Variants in STX8 observed in about 807,000 individuals in gnomAD.
The protein encoded by STX8 is syntaxin 8.
STX8 carries 23 observed loss-of-function variants against 37.5 expected under a neutral mutation model. That is an observed-to-expected ratio of 0.61 (90% CI 0.44 to 0.87). STX8 has a LOEUF of 0.87. Ranked by LOEUF, STX8 falls within the 40% of genes least tolerant of loss-of-function variation. The probability of loss-of-function intolerance (pLI) is 0.00; values close to 1 mark genes in which losing one functional copy is unlikely to be tolerated. For missense variants in STX8, 313 were observed against 284.7 expected (o/e 1.10, Z -0.71); for synonymous variants, 115 against 99.1 (o/e 1.16, Z -0.95).
intron 3 of STX8, chr17:9,553,081 A>G (rs563728777): frequency 1.3e-5 from 2 of 152,294 alleles, no homozygotes; most frequent in Non-Finnish European, 2.9e-5. Flanking sequence ...ATGCCAACAA[A>G]AGGATAAGTT....
At chr17:9,290,849 A>C (rs1597586933) in intron 7 of STX8, among the ~76,000 whole-genome samples, 1 of 152,200 alleles carries the variant, frequency 6.6e-6, no homozygotes, top group East Asian at 1.9e-4. Flanking sequence ...CATGCTTCTT[A>C]TTAGGGTGCA....
intron 7 of STX8, among the ~76,000 whole-genome samples, chr17:9,269,260 T>C (rs925538601): frequency 1.1e-4 from 16 of 152,032 alleles, no homozygotes; most frequent in Non-Finnish European, 2.2e-4. Flanking sequence ...GGGAAATGAT[T>C]GCATCTGGAG....
chr17:9,533,489 G>A (rs927395777), intron 4 of STX8, among the ~76,000 whole-genome samples: 4 of 152,038 alleles, frequency 2.6e-5, no homozygotes, highest in Non-Finnish European at 4.4e-5. Flanking sequence ...CAAAAAAACC[G>A]CTTGCACTTC....
chr17:9,337,714 C>G (rs933294603), intron 7 of STX8, among the ~76,000 whole-genome samples: 1 of 152,288 alleles, frequency 6.6e-6, no homozygotes, highest in South Asian at 2.1e-4. Context: ...CTGTGCTGTT[C>G]TGGAGGACAT....
At chr17:9,276,343 G>T (rs1175898187) in intron 7 of STX8, among the ~76,000 whole-genome samples, 1 of 152,144 alleles carries the variant, frequency 6.6e-6, no homozygotes, top group Non-Finnish European at 1.5e-5. Flanking sequence ...TTGTGGAAAT[G>T]TGAGTGATTC....
chr17:9,470,499 A>G (rs12602283), intron 6 of STX8, among the ~76,000 whole-genome samples: 84,365 of 152,068 alleles, frequency 0.55, 23,888 homozygotes, highest in East Asian at 0.85. Flanking sequence ...TCAGCTAAAG[A>G]TCTTCAATAA....
At chr17:9,424,707 G>A (rs1017598703) in intron 6 of STX8, among the ~76,000 whole-genome samples, 1 of 152,070 alleles carries the variant, frequency 6.6e-6, no homozygotes, top group African/African-American at 2.4e-5. Context: ...ACTGGGGTAT[G>A]GTAGATACTT....
intron 7 of STX8, among the ~76,000 whole-genome samples, chr17:9,329,846 T>C (rs1235175028): frequency 6.6e-6 from 1 of 151,854 alleles, no homozygotes; most frequent in African/African-American, 2.4e-5. Context: ...TGTCATTTAT[T>C]TGGGAGGGAA....
chr17:9,324,447 G>A (rs76313285), intron 7 of STX8, among the ~76,000 whole-genome samples: 1 of 151,940 alleles, frequency 6.6e-6, no homozygotes, highest in African/African-American at 2.4e-5. Flanking sequence ...AGTGTGATGG[G>A]GTGTAAAGAA....
chr17:9,345,848 C>CTTTTTTTTTTTTTTTT lies in STX8; in HGVS notation c.643+32688_643+32703dup, dbSNP rs545020159. ...CATTATACCTCCGGGTTATGCATTC[C>CTTTTTTTTTTTTTTTT]TTTTTTTTTTTTTTTTTTTTGAGAT... is the stretch of plus-strand genomic sequence containing the variant. On this transcript the variant is annotated intron_variant, in intron 7 of 7. Transcript: ENST00000306357. Among the ~76,000 whole-genome samples, 493 of 52,082 alleles carry CTTTTTTTTTTTTTTTT rather than the reference C, an allele frequency of 9.5e-3. 108 individuals are homozygous for CTTTTTTTTTTTTTTTT. Among genetic ancestry groups the CTTTTTTTTTTTTTTTT allele is most frequent in the Non-Finnish European group, 0.011 (331 of 29,120 alleles). 34.2% of individuals were successfully genotyped at this position (52,082 alleles called of 152,430 possible).
At chr17:9,530,278 C>A (rs546361928) in intron 4 of STX8, among the ~76,000 whole-genome samples, 1 of 148,390 alleles carries the variant, frequency 6.7e-6, no homozygotes, top group Non-Finnish European at 1.5e-5. Context: ...GCCACTGCAC[C>A]CCAGCCTGGG....
intron 6 of STX8, among the ~76,000 whole-genome samples, chr17:9,453,527 C>G (rs1467417803): frequency 7.7e-6 from 1 of 130,414 alleles, no homozygotes; most frequent in Non-Finnish European, 1.6e-5. Flanking sequence ...GGGTCTCACT[C>G]TGTTGCCCAG....
At chr17:9,356,910 T>TA (rs1210083943) in intron 7 of STX8, among the ~76,000 whole-genome samples, 5 of 151,778 alleles carry the variant, frequency 3.3e-5, no homozygotes, top group Admixed American at 3.3e-4. Flanking sequence ...CAAGGACTAA[T>TA]TTCTGGATTA....
chr17:9,390,894 G>T (rs1912196171), intron 6 of STX8, among the ~76,000 whole-genome samples: 2 of 151,280 alleles, frequency 1.3e-5, no homozygotes, highest in African/African-American at 4.9e-5. Context: ...CATTAAAGAG[G>T]CAAAACAGTT....
chr17:9,431,543 C>T (rs1475226764), intron 6 of STX8, among the ~76,000 whole-genome samples: 2 of 152,094 alleles, frequency 1.3e-5, no homozygotes, highest in Non-Finnish European at 2.9e-5. Context: ...GATCCACCTG[C>T]CTCGGCCTCT....
At chr17:9,426,633 T>C (rs7212087) in intron 6 of STX8, among the ~76,000 whole-genome samples, 78,863 of 151,900 alleles carry the variant, frequency 0.52, 21,206 homozygotes, top group African/African-American at 0.63. Context: ...TGGTGGCACA[T>C]GCCTGTGGTC....
At chr17:9,307,955 T>A (rs1015470638) in intron 7 of STX8, among the ~76,000 whole-genome samples, 2 of 152,064 alleles carry the variant, frequency 1.3e-5, no homozygotes, top group Non-Finnish European at 2.9e-5. Flanking sequence ...TTCTGCCCCA[T>A]ACCTGGGAGA....
At chr17:9,546,602 T>TTTG (rs1282668434) in intron 3 of STX8, among the ~76,000 whole-genome samples, 4 of 127,350 alleles carry the variant, frequency 3.1e-5, no homozygotes, top group Non-Finnish European at 6.5e-5. Context: ...TTTTTTTTTT[T>TTTG]TTTTTTTTTT....
At chr17:9,281,391 G>C (rs989682889) in intron 7 of STX8, among the ~76,000 whole-genome samples, 4 of 152,212 alleles carry the variant, frequency 2.6e-5, no homozygotes, top group African/African-American at 4.8e-5. Context: ...TGCTCATTGA[G>C]ATAGAAAACA....
Sources: gnomAD v4.1 joint callset for allele counts (sites outside exome capture counted in the v4.1 genomes callset) on GRCh38, gnomAD v4.1.1 for gene constraint, MANE v1.5 for transcripts, NCBI Gene and HGNC (gene_info 2026-07-23, HGNC 2026-07-21) for gene names.